PCDHAC1: variants seen among roughly 807,000 people sequenced by gnomAD.
The protein encoded by PCDHAC1 is protocadherin alpha-C1.
Under a neutral mutation model 60.0 loss-of-function variants are expected in PCDHAC1, and 42 were observed. The ratio of observed to expected loss-of-function variants is 0.70; its 90% CI spans 0.55 to 0.90. PCDHAC1 has a LOEUF of 0.90. PCDHAC1 is among the 40% of genes least tolerant of loss of function. The pLI, the probability that PCDHAC1 is intolerant of heterozygous loss-of-function variation, is 0.00. For synonymous variants in PCDHAC1, 468 were observed against 499.3 expected (o/e 0.94, Z 0.84); for missense variants, 1,160 against 1,222.3 (o/e 0.95, Z 0.76).
chr5:141,009,627 A>G lies in PCDHAC1; in HGVS notation c.2582A>G (p.Glu861Gly), dbSNP rs782179145. 6.2e-7 allele frequency: 1 copy of G among 1,612,842 alleles called. No individual in the cohort carries two copies. The highest frequency in any genetic ancestry group is 1.1e-5 in the South Asian group (1 of 90,980). The change falls in exon 4 of 4, where the codon GAA becomes GGA. Residue 861 changes from glutamate (E) to glycine (G), a missense_variant and splice_region_variant. By Grantham distance (98) the Glu-to-Gly change is moderately conservative (BLOSUM62 -2). Coordinates refer to ENST00000253807, the MANE Select transcript of PCDHAC1 (RefSeq NM_018898.5). Reference protein sequence around the residue: ...QWPTVSSATPEPEAGEVSPPV... With the variant: ...QWPTVSSATPGPEAGEVSPPV... ...TGATTTGTAATGTTTTGTCTTTCAGAACCAGAGGCAGGAGAAGTGTCCCCT... is the reference window on the plus strand; with the variant it reads ...TGATTTGTAATGTTTTGTCTTTCAGGACCAGAGGCAGGAGAAGTGTCCCCT...
rs1186997274 is a variant in PCDHAC1 at position 140,926,762 on chromosome 5, C to A, written c.-131C>A. The stretch of plus-strand genomic sequence containing the variant: ...CGCAACGTCGGCGGTCGCTGAGTAT[C>A]CAGCCCGCAGCAGTGACGGCCGGCA... On this transcript the variant is annotated 5_prime_UTR_variant, in exon 1 of 4. Transcript: ENST00000253807. 5 of 1,326,554 alleles carry A rather than the reference C, an allele frequency of 3.8e-6. No homozygotes were observed. The highest frequency in any genetic ancestry group is 2.8e-5 in the East Asian group (1 of 36,276). 82.2% of individuals were successfully genotyped at this position (1,326,554 alleles called of 1,614,324 possible). A position where few individuals can be genotyped will look rare whatever the true frequency, so the allele number is the denominator to read the frequency against.
chr5:140,960,919 A>G (rs542740686), intron 1 of PCDHAC1, among the ~76,000 whole-genome samples: 1 of 152,334 alleles, frequency 6.6e-6, no homozygotes, highest in Non-Finnish European at 1.5e-5. Flanking sequence ...CAGATAGAAA[A>G]TTGGTACTAA....
At chr5:140,993,434 AT>A (rs1243337816) in intron 3 of PCDHAC1, among the ~76,000 whole-genome samples, 2 of 150,146 alleles carry the variant, frequency 1.3e-5, no homozygotes, top group Non-Finnish European at 3.0e-5. Flanking sequence ...TAAAATCCTT[AT>A]TCATTCCTGT....
intron 1 of PCDHAC1, among the ~76,000 whole-genome samples, chr5:140,946,635 A>G (rs2094003182): frequency 1.6e-5 from 1 of 62,812 alleles, no homozygotes; most frequent in Admixed American, 1.5e-4. Flanking sequence ...TATATATACA[A>G]TGGAATACTC....
intron 1 of PCDHAC1, among the ~76,000 whole-genome samples, chr5:140,939,802 A>C (rs1347672258): frequency 6.6e-6 from 1 of 152,220 alleles, no homozygotes; most frequent in Admixed American, 6.5e-5. Context: ...AATGTTCTGC[A>C]TGTTCAAGAA....
rs782535814 is a variant in PCDHAC1, at chr5:140,927,808, T to A, written c.916T>A (p.Leu306Met). 1 of 1,614,208 alleles carries A rather than the reference T, an allele frequency of 6.2e-7. No homozygotes were observed. The highest frequency in any genetic ancestry group is 1.3e-5 in the African/African-American group (1 of 75,036). The change falls in exon 1 of 4, where the codon TTG becomes ATG. Residue 306 changes from leucine to methionine, a missense_variant. Leu to Met is a conservative substitution (Grantham distance 15). Around this residue, in one of 3 missense-constraint regions of PCDHAC1, gnomAD observed 1,113 missense variants for 1,163.7 expected, o/e 0.96. Coordinates refer to ENST00000253807, the MANE Select transcript of PCDHAC1 (RefSeq NM_018898.5). ...AASLGPPETLLEAYIEARDEG... is the reference protein window; with the variant it reads ...AASLGPPETLMEAYIEARDEG... The stretch of plus-strand genomic sequence containing the variant: ...TTCACTAGGTCCGCCTGAAACGCTC[T>A]TGGAGGCATACATTGAGGCGAGGGA...
At position 140,992,017 on chromosome 5, in the gene PCDHAC1, CTGTGTGTG is replaced by C. The variant is rs10602499; in HGVS notation, c.2581+9484_2581+9491del. On this transcript the variant is annotated intron_variant, in intron 3 of 3. Coordinates refer to ENST00000253807, the MANE Select transcript of PCDHAC1 (RefSeq NM_018898.5). ...CTTTCATGTTCAGGCAGAGGTGGCT[CTGTGTGTG>C]TGTGTGTGTGTGTGTGTGTGTGTGT... Among the ~76,000 whole-genome samples the C allele has an allele frequency of 9.8e-4, 142 of 145,616 alleles. No homozygotes were observed. The East Asian group carries it at 1.0e-2, about 10-fold the overall frequency.
At chr5:140,949,271 TGAAAA>T (rs1377326965) in intron 1 of PCDHAC1, among the ~76,000 whole-genome samples, 5 of 151,804 alleles carry the variant, frequency 3.3e-5, no homozygotes, top group Non-Finnish European at 5.9e-5. Flanking sequence ...CACGTGCACT[TGAAAA>T]GAATGTATAT....
chr5:140,933,753 G>A (rs1554209575), intron 1 of PCDHAC1, among the ~76,000 whole-genome samples: 1 of 151,976 alleles, frequency 6.6e-6, no homozygotes. Context: ...GAATTCACTA[G>A]TGAAGCTCTC....
At chr5:140,992,949 T>G (rs1554253294) in intron 3 of PCDHAC1, among the ~76,000 whole-genome samples, 1 of 152,162 alleles carries the variant, frequency 6.6e-6, no homozygotes, top group Admixed American at 6.5e-5. Context: ...GGAGATTAAA[T>G]CACCCCTTAT....
chr5:141,004,715 G>T (rs989871938), intron 3 of PCDHAC1, among the ~76,000 whole-genome samples: 2 of 152,162 alleles, frequency 1.3e-5, no homozygotes, highest in African/African-American at 2.4e-5. Flanking sequence ...CGAATCAGAG[G>T]TTTTTAAATA....
At chr5:141,002,449 C>G (rs2098081029) in intron 3 of PCDHAC1, among the ~76,000 whole-genome samples, 1 of 152,192 alleles carries the variant, frequency 6.6e-6, no homozygotes, top group African/African-American at 2.4e-5. Flanking sequence ...ATAATTGGCA[C>G]ATTTGTATAA....
intron 1 of PCDHAC1, among the ~76,000 whole-genome samples, chr5:140,959,390 A>G (rs1554224055): frequency 6.6e-6 from 1 of 152,146 alleles, no homozygotes; most frequent in African/African-American, 2.4e-5. Context: ...AAAAGTCACA[A>G]ATTAAGATAA....
chr5:140,973,606 G>T (rs1554235444), intron 1 of PCDHAC1, among the ~76,000 whole-genome samples: 1 of 152,204 alleles, frequency 6.6e-6, no homozygotes, highest in African/African-American at 2.4e-5. Flanking sequence ...TTATGGCTGA[G>T]CTCTTCTCTG....
intron 3 of PCDHAC1, among the ~76,000 whole-genome samples, chr5:140,997,500 C>T (rs567570276): frequency 5.3e-4 from 80 of 152,250 alleles, no homozygotes; most frequent in South Asian, 3.9e-3. Context: ...TGTATCTCAA[C>T]ATACCTAAAC....
At chr5:140,946,314 T>C (rs1307176539) in intron 1 of PCDHAC1, among the ~76,000 whole-genome samples, 2 of 151,808 alleles carry the variant, frequency 1.3e-5, no homozygotes, top group African/African-American at 4.8e-5. Flanking sequence ...ATGGCTATTA[T>C]TGAAAGAGGA....
intron 3 of PCDHAC1, among the ~76,000 whole-genome samples, chr5:141,005,656 C>T (rs1004583867): frequency 1.5e-4 from 20 of 136,082 alleles, no homozygotes; most frequent in Non-Finnish European, 2.5e-4. Context: ...GAGTCGAGAT[C>T]GCGCCACTGC....
At chr5:140,966,794 G>T in intron 1 of PCDHAC1, 1 of 1,533,558 alleles carries the variant, frequency 6.5e-7, no homozygotes. Context: ...CAGACCTGCG[G>T]CGACAGAGCA....
chr5:141,009,606 T>C (rs2098413036), intron 3 of PCDHAC1, 21 bp from the exon 4 acceptor site: 1 of 1,609,858 alleles, frequency 6.2e-7, no homozygotes, highest in Non-Finnish European at 8.5e-7. Flanking sequence ...TGTTAATGAT[T>C]TGTAATGTTT....
Sources: allele counts gnomAD v4.1 joint callset (sites outside exome capture counted in the v4.1 genomes callset), GRCh38; gene constraint gnomAD v4.1.1; regional missense constraint gnomAD v4.1.1; transcripts MANE v1.5; gene names NCBI Gene and HGNC (gene_info 2026-07-23, HGNC 2026-07-21).